Variants in ARHGEF26 observed in about 807,000 individuals in gnomAD.
ARHGEF26 encodes Rho guanine nucleotide exchange factor 26.
A neutral mutation model predicts 89.4 loss-of-function variants in ARHGEF26; 59 were observed. The observed-to-expected ratio is 0.66, with a 90% CI of 0.54 to 0.82. The LOEUF is 0.82. ARHGEF26 is among the 40% of genes least tolerant of loss of function. The pLI, the probability that ARHGEF26 is intolerant of heterozygous loss-of-function variation, is 0.00. For synonymous variants in ARHGEF26, 500 were observed against 428.4 expected, an observed-to-expected ratio of 1.17 and a Z score of -2.06; for missense variants, 1,234 against 1,085.6, an observed-to-expected ratio of 1.14 and a Z score of -1.92.
intron 11 of ARHGEF26, among the ~76,000 whole-genome samples, chr3:154,228,287 G>A (rs1021820828): frequency 2.6e-5 from 4 of 151,804 alleles, no homozygotes; most frequent in African/African-American, 4.8e-5. Context: ...ACAGGCATGC[G>A]CCACCATGCC....
chr3:154,216,509 AT>A (rs1273722931), intron 9 of ARHGEF26, among the ~76,000 whole-genome samples: 382 of 26,340 alleles, frequency 0.015, 2 homozygotes, highest in East Asian at 0.029. Context: ...TTTATTTTTT[AT>A]TTTTTTTTTA....
rs566479850 is a variant in ARHGEF26 at position 154,221,151 on chromosome 3, A to AC, written c.1935+3193_1935+3194insC. Among the ~76,000 whole-genome samples, 664 of 152,226 alleles carry AC rather than the reference A, an allele frequency of 4.4e-3. 6 individuals are homozygous for AC. The highest frequency in any genetic ancestry group is 0.02 in the Middle Eastern group (6 of 294). On this transcript the variant is annotated intron_variant, in intron 10 of 14. Coordinates refer to ENST00000465093, the MANE Select transcript of ARHGEF26 (RefSeq NM_015595.4). Reference sequence around the variant, plus strand: ...TAAATTCCTGTTGTGTAAAACAAAAAAAAAAAACCACTAGAAAGTTGCAAA... The same window carrying AC: ...TAAATTCCTGTTGTGTAAAACAAAAACAAAAAAACCACTAGAAAGTTGCAAA...
chr3:154,182,051 A>G lies in ARHGEF26; in HGVS notation c.1488-5634A>G, dbSNP rs1003541584. ...TGGGTGGTTGGGTGTGTGTGTGTGTATATATACACACACAATATATATATA... is the reference window on the plus strand; with the variant it reads ...TGGGTGGTTGGGTGTGTGTGTGTGTGTATATACACACACAATATATATATA... On this transcript the variant is annotated intron_variant, in intron 6 of 14. Transcript: ENST00000465093. 5.3e-5 allele frequency among the ~76,000 whole-genome samples: 8 copies of G among 151,666 alleles called. No homozygotes were observed. The East Asian group carries it at 1.4e-3, about 26-fold the overall frequency.
In ARHGEF26 at chr3:154,187,597, C is replaced by T. The variant is rs1713659706; in HGVS notation, c.1488-88C>T. The T allele has an allele frequency of 2.1e-5, 24 of 1,161,948 alleles. No individual in the cohort carries two copies. The Middle Eastern group carries it at 1.8e-3, about 88-fold the overall frequency. The allele number at this position is 1,161,948 out of a possible 1,614,324, so 72.0% of individuals were successfully genotyped here. On this transcript the variant is annotated intron_variant, in intron 6 of 14. Transcript: ENST00000465093. Reference sequence around the variant, plus strand: ...CTGTGTACTGTTGAATTTTCAAACCCCGTGTAATAACATTACATGAGGCTA... The same window carrying T: ...CTGTGTACTGTTGAATTTTCAAACCTCGTGTAATAACATTACATGAGGCTA...
At chr3:154,154,103 G>A (rs1437361836) in intron 6 of ARHGEF26, among the ~76,000 whole-genome samples, 1 of 152,038 alleles carries the variant, frequency 6.6e-6, no homozygotes, top group Non-Finnish European at 1.5e-5. Context: ...AAAGGGAAAG[G>A]TACATCCATC....
chr3:154,171,435 A>G (rs1712432415), intron 6 of ARHGEF26, among the ~76,000 whole-genome samples: 1 of 152,226 alleles, frequency 6.6e-6, no homozygotes, highest in South Asian at 2.1e-4. Flanking sequence ...TATGGGATGG[A>G]TAAATGTATA....
At chr3:154,217,501 T>C (rs1715840624) in intron 9 of ARHGEF26, among the ~76,000 whole-genome samples, 1 of 152,168 alleles carries the variant, frequency 6.6e-6, no homozygotes, top group South Asian at 2.1e-4. Context: ...TTCACACTGA[T>C]GGTAGTTTCT....
At chr3:154,166,512 T>C (rs754292061) in intron 6 of ARHGEF26, among the ~76,000 whole-genome samples, 1 of 152,234 alleles carries the variant, frequency 6.6e-6, no homozygotes, top group Non-Finnish European at 1.5e-5. Context: ...CCTTTTCCTT[T>C]CCTCTGGAAT....
At chr3:154,190,177 G>A (rs1418975820) in intron 7 of ARHGEF26, among the ~76,000 whole-genome samples, 3 of 152,098 alleles carry the variant, frequency 2.0e-5, no homozygotes, top group Non-Finnish European at 2.9e-5. Flanking sequence ...GTAAGAGAGT[G>A]AGAAATGGGG....
chr3:154,153,232 GAT>G (rs1255504216), intron 6 of ARHGEF26, among the ~76,000 whole-genome samples: 2 of 151,966 alleles, frequency 1.3e-5, no homozygotes, highest in African/African-American at 2.4e-5. Context: ...GCTAGTCTGT[GAT>G]ATTCATCCAT....
intron 6 of ARHGEF26, among the ~76,000 whole-genome samples, chr3:154,168,727 G>A (rs1461765891): frequency 6.6e-6 from 1 of 152,072 alleles, no homozygotes; most frequent in East Asian, 1.9e-4. Context: ...TATCCTCCTA[G>A]CATTTCCTTA....
intron 6 of ARHGEF26, among the ~76,000 whole-genome samples, chr3:154,180,927 C>G (rs1030547292): frequency 5.9e-5 from 9 of 152,100 alleles, no homozygotes; most frequent in Admixed American, 3.9e-4. Context: ...AAGGATTCAT[C>G]GATGAGCTTC....
rs1718264778 is a variant in ARHGEF26, at chr3:154,253,148, G to T, written c.2333G>T (p.Gly778Val). 2 of 1,614,012 alleles carry T rather than the reference G, an allele frequency of 1.2e-6. No homozygotes were observed. Among genetic ancestry groups the T allele is most frequent in the East Asian group, 4.5e-5 (2 of 44,876 alleles). The change falls in exon 13 of 15, where the codon GGA becomes GTA. Residue 778 changes from glycine (G) to valine (V), a missense_variant. Transcript: ENST00000465093. ...CGAGCCCGCTGGATAACTGCCCTGG[G>T]ACACAGCAGCGGGAAGCCGCCTGCA... Reference protein sequence around the residue: ...SERARWITALGHSSGKPPADR... With the variant: ...SERARWITALVHSSGKPPADR...
At chr3:154,156,341 A>G (rs575686936) in intron 6 of ARHGEF26, among the ~76,000 whole-genome samples, 48 of 152,230 alleles carry the variant, frequency 3.2e-4, no homozygotes, top group South Asian at 1.0e-3. Flanking sequence ...TATCTCTGTC[A>G]TAGCTTATCG....
chr3:154,181,765 C>A (rs751209521), intron 6 of ARHGEF26, among the ~76,000 whole-genome samples: 13 of 152,096 alleles, frequency 8.5e-5, no homozygotes, highest in Admixed American at 3.9e-4. Flanking sequence ...GTGGCCCTTC[C>A]TGTACCTAGC....
chr3:154,223,148 G>C (rs1716244794), intron 10 of ARHGEF26, among the ~76,000 whole-genome samples: 1 of 152,142 alleles, frequency 6.6e-6, no homozygotes, highest in Admixed American at 6.5e-5. Context: ...GGTTTCTCAG[G>C]CTGCTTTAGG....
chr3:154,146,314 T>G (rs1719704143), intron 4 of ARHGEF26, among the ~76,000 whole-genome samples: 1 of 152,236 alleles, frequency 6.6e-6, no homozygotes, highest in Non-Finnish European at 1.5e-5. Flanking sequence ...CACCTCCTAA[T>G]ACCATCACCT....
At chr3:154,201,774 A>G (rs1057272304) in intron 9 of ARHGEF26, among the ~76,000 whole-genome samples, 13 of 152,234 alleles carry the variant, frequency 8.5e-5, no homozygotes, top group African/African-American at 2.6e-4. Context: ...GCATTTTTTC[A>G]TGTGTCTTTT....
chr3:154,194,516 CCTCATA>C (rs1714161772), intron 8 of ARHGEF26, 122 bp from the exon 9 acceptor site: 1 of 660,008 alleles, frequency 1.5e-6, no homozygotes, highest in Admixed American at 2.6e-5. Context: ...TTAATATTAT[CCTCATA>C]CTCATCCGTA....
Sources: gnomAD v4.1 joint callset for allele counts (sites outside exome capture counted in the v4.1 genomes callset) on GRCh38, gnomAD v4.1.1 for gene constraint, MANE v1.5 for transcripts, NCBI Gene and HGNC (gene_info 2026-07-23, HGNC 2026-07-21) for gene names.